TJP1: variants seen among roughly 807,000 people sequenced by gnomAD.
The protein encoded by TJP1 is tight junction protein ZO-1.
A neutral mutation model predicts 194.2 loss-of-function variants in TJP1; 43 were observed. The ratio of observed to expected loss-of-function variants is 0.22; its 90% CI spans 0.17 to 0.29. TJP1 has a LOEUF of 0.29. Among genes scored for constraint, TJP1 ranks in the 10% least tolerant of loss-of-function variants. The pLI is 1.00. For synonymous variants in TJP1, 801 were observed against 779.0 expected (o/e 1.03, Z -0.47); for missense variants, 1,971 against 2,185.7 (o/e 0.90, Z 1.96).
intron 2 of TJP1, among the ~76,000 whole-genome samples, chr15:29,830,417 A>T (rs1189981705): frequency 6.7e-6 from 1 of 150,318 alleles, no homozygotes; most frequent in Non-Finnish European, 1.5e-5. Flanking sequence ...ATTAACACAC[A>T]TCAATTTATA....
At position 29,716,705 on chromosome 15, in the gene TJP1, T is replaced by C. The variant is rs2042585722; in HGVS notation, c.4108A>G (p.Lys1370Glu). 1 of 1,614,020 alleles carries C rather than the reference T, an allele frequency of 6.2e-7. No individual in the cohort carries two copies. The highest frequency in any genetic ancestry group is 1.3e-5 in the African/African-American group (1 of 74,900). ...CTGGCGGCAATGTGTGCAGGAGGCT[T>C]ATTCTCAAAACTTCTTCGGTCAAAG... Reference protein sequence around the residue: ...SYFDRRSFENKPPAHIAASHL... With the variant: ...SYFDRRSFENEPPAHIAASHL... The change falls in exon 23 of 28, where the codon AAG becomes GAG. Residue 1370 changes from lysine (K) to glutamate (E), a missense_variant. Around this residue, in one of 5 missense-constraint regions of TJP1, gnomAD observed 1,108 missense variants for 1,128.5 expected, o/e 0.98. Transcript: ENST00000614355.
intron 12 of TJP1, among the ~76,000 whole-genome samples, chr15:29,733,942 A>G (rs1595684922): frequency 6.6e-6 from 1 of 152,232 alleles, no homozygotes; most frequent in Non-Finnish European, 1.5e-5. Context: ...GCTTAGAAAC[A>G]TCAGTACAAA....
Position 29,858,917 on chromosome 15 carries a change from T to C in TJP1, c.307-58215A>G, listed in dbSNP as rs186561577. Among the ~76,000 whole-genome samples, 93 of 152,232 alleles carry C rather than the reference T, an allele frequency of 6.1e-4. 1 individual carries two copies. Among genetic ancestry groups the C allele is most frequent in the African/African-American group, 2.1e-3 (86 of 41,534 alleles). Reference sequence around the variant, plus strand: ...CATGTTGCCCAGGCTTGTCTCAAACTCCTGGGCTCAAGGCATCCTCCAGCC... The same window carrying C: ...CATGTTGCCCAGGCTTGTCTCAAACCCCTGGGCTCAAGGCATCCTCCAGCC... On this transcript the variant is annotated intron_variant, in intron 2 of 28. Coordinates refer to the TJP1 transcript ENST00000356107.
At chr15:29,737,442 C>T in intron 10 of TJP1, 28 bp from the exon 11 acceptor site, 1 of 1,613,676 alleles carries the variant, frequency 6.2e-7, no homozygotes. Context: ...TCATTTGAAA[C>T]AGTTAAGAAG....
intron 2 of TJP1, among the ~76,000 whole-genome samples, chr15:29,908,913 G>A (rs2053918767): frequency 6.6e-6 from 1 of 152,118 alleles, no homozygotes; most frequent in South Asian, 2.1e-4. Context: ...CCAGCACTTT[G>A]GGAGGCCAAG....
rs1045000345 is a variant in TJP1 at position 29,700,641 on chromosome 15, A to G, written c.*954T>C. 1.1e-5 allele frequency: 4 copies of G among 371,608 alleles called. No individual in the cohort carries two copies. Among genetic ancestry groups the G allele is most frequent in the Non-Finnish European group, 1.4e-5 (3 of 209,796 alleles). 23.0% of individuals were successfully genotyped at this position (371,608 alleles called of 1,614,324 possible). ...CCAAGAACAAAAGTGGTATGCACGC[A>G]TTATGTACAAGCATCCTTAAAACAT... On this transcript the variant is annotated 3_prime_UTR_variant, in exon 28 of 28. Coordinates refer to ENST00000614355, the MANE Select transcript of TJP1 (RefSeq NM_001330239.4).
chr15:29,710,848 T>C lies in TJP1; in HGVS notation c.4355A>G (p.Lys1452Arg), dbSNP rs749725539. 6.2e-7 allele frequency: 1 copy of C among 1,614,078 alleles called. No individual in the cohort carries two copies. Among genetic ancestry groups the C allele is most frequent in the Non-Finnish European group, 8.5e-7 (1 of 1,180,042 alleles). Residue 1452 changes from lysine (K) to arginine (R), a missense_variant, in exon 24 of 28, where the codon AAG (lysine) becomes AGG (arginine). This residue lies in a region of TJP1 where 1,108 missense variants were observed against 1,128.5 expected (regional missense o/e 0.98). Transcript: ENST00000614355. ...CTTCCTACCTTCACCATGTGCTCCC[T>C]TAGAATGTATGTGGAGAGACGCGCT... is the stretch of plus-strand genomic sequence containing the variant. The part of the protein sequence containing the change: ...VTSASLHIHS[K>R]GAHGEGNSVS...
intron 2 of TJP1, among the ~76,000 whole-genome samples, chr15:29,846,034 C>A (rs1007134900): frequency 2.0e-5 from 3 of 152,056 alleles, no homozygotes; most frequent in East Asian, 1.9e-4. Flanking sequence ...GCCTCCTCCC[C>A]CAACTCACTG....
chr15:29,750,216 C>G (rs2045167619), intron 8 of TJP1, among the ~76,000 whole-genome samples: 1 of 152,140 alleles, frequency 6.6e-6, no homozygotes, highest in Non-Finnish European at 1.5e-5. Flanking sequence ...CCGTGTTAGC[C>G]AGGATGGTCT....
chr15:29,737,411 G>C lies in TJP1; in HGVS notation c.1260C>G (p.Pro420=). The part of the protein sequence containing the change: ...NSTHEDGILR[P]SMKLVKFRKG... The stretch of plus-strand genomic sequence containing the variant: ...TTCTGAATTTTACCAATTTCATGCT[G>C]GGCCTGTTAAAACAGATATTTCATT... The change falls in exon 11 of 28, where the codon CCC becomes CCG. Residue 420 remains proline, a synonymous_variant. Coordinates refer to ENST00000614355, the MANE Select transcript of TJP1 (RefSeq NM_001330239.4). 1.2e-6 allele frequency: 2 copies of C among 1,614,082 alleles called. No homozygotes were observed. The highest frequency in any genetic ancestry group is 1.1e-5 in the South Asian group (1 of 91,068).
chr15:29,923,566 T>C (rs1362371010), intron 2 of TJP1, among the ~76,000 whole-genome samples: 1 of 152,160 alleles, frequency 6.6e-6, no homozygotes, highest in African/African-American at 2.4e-5. Context: ...CAAAGGACCA[T>C]ATATTATATG....
rs1240797518 is a variant in TJP1 at position 29,896,402 on chromosome 15, TG to T, written c.306+59829del. 3.9e-5 allele frequency among the ~76,000 whole-genome samples: 6 copies of T among 152,204 alleles called. 1 individual carries two copies. Among genetic ancestry groups the T allele is most frequent in the Admixed American group, 1.3e-4 (2 of 15,282 alleles). ...TGATTGTGAGGCCTCCCCAGCCACA[TG>T]GAACTGTCAGTCCAATAAACCTCTT... On this transcript the variant is annotated intron_variant, in intron 2 of 28. Coordinates refer to the TJP1 transcript ENST00000356107.
chr15:29,829,501 C>T (rs2050771478), intron 2 of TJP1, among the ~76,000 whole-genome samples: 1 of 152,030 alleles, frequency 6.6e-6, no homozygotes, highest in East Asian at 1.9e-4. Flanking sequence ...CTCATGCTCA[C>T]CTTTATGAAA....
At chr15:29,950,874 T>G (rs756336067) in intron 2 of TJP1, among the ~76,000 whole-genome samples, 1 of 152,170 alleles carries the variant, frequency 6.6e-6, no homozygotes, top group Non-Finnish European at 1.5e-5. Flanking sequence ...CGAGGTTACA[T>G]TCTGTAACCC....
intron 4 of TJP1, among the ~76,000 whole-genome samples, chr15:29,771,115 T>C (rs911264974): frequency 3.3e-5 from 5 of 152,226 alleles, no homozygotes; most frequent in Non-Finnish European, 7.3e-5. Flanking sequence ...GACATACACA[T>C]ACTTACCATT....
At chr15:29,747,157 C>T (rs994905197) in intron 8 of TJP1, among the ~76,000 whole-genome samples, 21 of 152,090 alleles carry the variant, frequency 1.4e-4, no homozygotes, top group Admixed American at 5.2e-4. Flanking sequence ...TGGTGGCACG[C>T]ACCTGTAATC....
chr15:29,761,180 A>T lies in TJP1; in HGVS notation c.969T>A (p.Ser323=), dbSNP rs1218037326. 6.2e-7 allele frequency: 1 copy of T among 1,613,634 alleles called. No homozygotes were observed. Among genetic ancestry groups the T allele is most frequent in the Non-Finnish European group, 8.5e-7 (1 of 1,179,916 alleles). ...GCTGCGGCGAGTGCCTGGAATGATC[A>T]GAAGGCTCTGACCGCTGGTCAGGAG... ...SRSPDQRSEP[S]DHSRHSPQQP... Residue 323 remains serine, a synonymous_variant, in exon 8 of 28, where the codon TCT becomes TCA. Transcript: ENST00000614355.
chr15:29,715,651 G>A (rs1314886904), intron 23 of TJP1, among the ~76,000 whole-genome samples: 1 of 152,168 alleles, frequency 6.6e-6, no homozygotes, highest in Non-Finnish European at 1.5e-5. Flanking sequence ...GTACTGCCAT[G>A]AAGGGATTTT....
chr15:29,700,400 T>G lies in TJP1; in HGVS notation c.*1195A>C. On this transcript the variant is annotated 3_prime_UTR_variant, in exon 28 of 28. Coordinates refer to ENST00000614355, the MANE Select transcript of TJP1 (RefSeq NM_001330239.4). ...CAAACTAGAGAATTCTGAGTAACTG[T>G]ATCTTTTAAATGCAGCACTTAAAAA... is the stretch of plus-strand genomic sequence containing the variant. 1 of 398,956 alleles carries G rather than the reference T, an allele frequency of 2.5e-6. No individual in the cohort carries two copies. Among genetic ancestry groups the G allele is most frequent in the Non-Finnish European group, 4.4e-6 (1 of 226,034 alleles). 24.7% of individuals were successfully genotyped at this position (398,956 alleles called of 1,614,324 possible).
Sources: gnomAD v4.1 joint callset for allele counts (sites outside exome capture counted in the v4.1 genomes callset) on GRCh38, gnomAD v4.1.1 for gene constraint, gnomAD v4.1.1 regional missense constraint, MANE v1.5 for transcripts, NCBI Gene and HGNC (gene_info 2026-07-23, HGNC 2026-07-21) for gene names.